Variants in AFF3 observed in about 807,000 individuals in gnomAD.
AFF3 encodes AF4/FMR2 family member 3.
AFF3 carries 32 observed loss-of-function variants against 129.7 expected under a neutral mutation model. The ratio of observed to expected loss-of-function variants is 0.25; its 90% confidence interval spans 0.19 to 0.33. The LOEUF (loss-of-function observed/expected upper bound fraction) is 0.33, where lower values mean the gene tolerates loss of function less well. Ranked by LOEUF, AFF3 falls within the 10% of genes least tolerant of loss-of-function variation. AFF3 has a pLI of 1.00. For missense variants in AFF3, 1,373 were observed against 1,592.0 expected, an observed-to-expected ratio of 0.86 and a Z score of 2.34; for synonymous variants, 644 against 635.4, an observed-to-expected ratio of 1.01 and a Z score of -0.20.
intron 1 of AFF3, among the ~76,000 whole-genome samples, chr2:100,134,797 A>G (rs1692564807): frequency 6.6e-6 from 1 of 152,254 alleles, no homozygotes; most frequent in South Asian, 2.1e-4. Flanking sequence ...TCTAAGACCC[A>G]TAGGACCAGG....
intron 7 of AFF3, among the ~76,000 whole-genome samples, chr2:99,849,105 A>G (rs1689948300): frequency 6.6e-6 from 1 of 152,106 alleles, no homozygotes; most frequent in Admixed American, 6.6e-5. Flanking sequence ...AGAGAAAAGC[A>G]TGATTCCACT....
intron 2 of AFF3, among the ~76,000 whole-genome samples, chr2:100,120,459 A>G (rs926799153): frequency 2.4e-5 from 3 of 125,364 alleles, no homozygotes; most frequent in African/African-American, 1.3e-4. Context: ...TTGCTTCTGC[A>G]CCCCCAACCC....
At chr2:99,701,800 G>A (rs553780284) in intron 11 of AFF3, among the ~76,000 whole-genome samples, 1 of 152,298 alleles carries the variant, frequency 6.6e-6, no homozygotes, top group South Asian at 2.1e-4. Context: ...CGTCTTTCAT[G>A]CCAGCCCTGT....
chr2:100,025,306 A>T (rs1683948252), intron 4 of AFF3, among the ~76,000 whole-genome samples: 1 of 151,236 alleles, frequency 6.6e-6, no homozygotes, highest in Non-Finnish European at 1.5e-5. Flanking sequence ...AATAGCTGCA[A>T]AAAAAAAGTA....
At position 100,008,821 on chromosome 2, in the gene AFF3, C is replaced by T. The variant is rs1331951514; in HGVS notation, c.165G>A (p.Glu55=). 1 of 1,613,964 alleles carries T rather than the reference C, an allele frequency of 6.2e-7. No individual in the cohort carries two copies. The highest frequency in any genetic ancestry group is 1.3e-5 in the African/African-American group (1 of 75,060). The change falls in exon 5 of 25, where the codon GAG becomes GAA. Residue 55 remains glutamate (E), a synonymous_variant. Coordinates refer to ENST00000672756, the MANE Select transcript of AFF3 (RefSeq NM_001386135.1). The part of the protein sequence containing the change: ...TFNSSYSLFS[E]PYKTNKGDEL... ...ACTGAAAACCATCTACCTTGTAGGG[C>T]TCACTGAAGAGAGAGTAACTAGAAT... is the stretch of plus-strand genomic sequence containing the variant.
intron 7 of AFF3, among the ~76,000 whole-genome samples, chr2:99,886,758 G>A (rs1693144289): frequency 6.6e-6 from 1 of 152,126 alleles, no homozygotes; most frequent in Non-Finnish European, 1.5e-5. Flanking sequence ...AACTGCTGCA[G>A]AAAAAATTCC....
chr2:100,076,587 A>G (rs180881069), intron 4 of AFF3, among the ~76,000 whole-genome samples: 1 of 152,288 alleles, frequency 6.6e-6, no homozygotes, highest in Admixed American at 6.5e-5. Flanking sequence ...ACTGAGTCCA[A>G]GTAAACAGCA....
Position 100,106,436 on chromosome 2 carries a change from G to GA in AFF3, c.-144-854dup, listed in dbSNP as rs979814822. On this transcript the variant is annotated intron_variant, in intron 2 of 24. Transcript: ENST00000672756. ...CCAATGCACAGTGTATTTGGAAAAAGAAAAAAAAGAAAAAGAAAATCTGTC... is the reference window on the plus strand; with the variant it reads ...CCAATGCACAGTGTATTTGGAAAAAGAAAAAAAAAGAAAAAGAAAATCTGTC... 40 of 1,013,062 alleles carry GA rather than the reference G, an allele frequency of 3.9e-5. No homozygotes were observed. In the Admixed American group the frequency reaches 4.2e-4, roughly 11 times the overall value. The allele number at this position is 1,013,062 out of a possible 1,614,324, so 62.8% of individuals were successfully genotyped here.
intron 7 of AFF3, among the ~76,000 whole-genome samples, chr2:99,997,024 A>G (rs1680906593): frequency 6.6e-6 from 1 of 152,034 alleles, no homozygotes; most frequent in African/African-American, 2.4e-5. Flanking sequence ...CCTTCTCATC[A>G]GACTGACCCC....
intron 8 of AFF3, among the ~76,000 whole-genome samples, chr2:99,816,377 T>C (rs1031758765): frequency 6.6e-6 from 1 of 152,222 alleles, no homozygotes; most frequent in African/African-American, 2.4e-5. Flanking sequence ...CCCTTCAGAC[T>C]GTTATTTCTT....
chr2:99,902,060 C>A (rs1428544360), intron 7 of AFF3, among the ~76,000 whole-genome samples: 3 of 151,424 alleles, frequency 2.0e-5, no homozygotes, highest in African/African-American at 7.3e-5. Flanking sequence ...AGGCAGAGGT[C>A]CCTCCTGGGT....
chr2:99,939,509 C>A (rs1265386134), intron 7 of AFF3, among the ~76,000 whole-genome samples: 1 of 152,158 alleles, frequency 6.6e-6, no homozygotes. Flanking sequence ...TCCTCTCCTA[C>A]AGAAGAGCTC....
intron 4 of AFF3, among the ~76,000 whole-genome samples, chr2:100,087,456 T>C (rs1206889196): frequency 5.9e-5 from 9 of 152,040 alleles, no homozygotes; most frequent in African/African-American, 1.9e-4. Flanking sequence ...AATTACATTA[T>C]GTGAGAATTT....
chr2:99,954,038 T>C (rs1676402222), intron 7 of AFF3, among the ~76,000 whole-genome samples: 1 of 152,224 alleles, frequency 6.6e-6, no homozygotes, highest in African/African-American at 2.4e-5. Flanking sequence ...TGGCCTAAGT[T>C]GCCTTGTATA....
At chr2:99,940,258 C>T (rs1674904282) in intron 7 of AFF3, among the ~76,000 whole-genome samples, 1 of 152,180 alleles carries the variant, frequency 6.6e-6, no homozygotes, top group Non-Finnish European at 1.5e-5. Flanking sequence ...TAAGACTTCT[C>T]TGAAATGGAT....
At chr2:99,958,231 G>A (rs1034706745) in intron 7 of AFF3, among the ~76,000 whole-genome samples, 1 of 152,106 alleles carries the variant, frequency 6.6e-6, no homozygotes, top group Non-Finnish European at 1.5e-5. Flanking sequence ...AGTGGCTCAC[G>A]CCTGTAATTC....
chr2:99,617,259 T>C (rs1471355933), intron 13 of AFF3, among the ~76,000 whole-genome samples: 1 of 152,250 alleles, frequency 6.6e-6, no homozygotes. Flanking sequence ...TTGCACCACT[T>C]TGCATTCCCA....
At chr2:100,080,842 T>C (rs1349045868) in intron 4 of AFF3, among the ~76,000 whole-genome samples, 2 of 152,066 alleles carry the variant, frequency 1.3e-5, no homozygotes, top group African/African-American at 2.4e-5. Flanking sequence ...AGGTGGGGTC[T>C]TTATTGGGCT....
At chr2:99,933,334 CTT>C (rs145951641) in intron 7 of AFF3, among the ~76,000 whole-genome samples, 1 of 151,150 alleles carries the variant, frequency 6.6e-6, no homozygotes, top group Non-Finnish European at 1.5e-5. Flanking sequence ...TGGAAAGACT[CTT>C]TTTTTTTAAG....
Sources: gnomAD v4.1 joint callset for allele counts (sites outside exome capture counted in the v4.1 genomes callset) on GRCh38, gnomAD v4.1.1 for gene constraint, MANE v1.5 for transcripts, NCBI Gene and HGNC (gene_info 2026-07-23, HGNC 2026-07-21) for gene names.